IL20RB: variants seen among roughly 807,000 people sequenced by gnomAD.
IL20RB encodes interleukin 20 receptor subunit beta.
In IL20RB, 21 loss-of-function variants were observed where a neutral mutation model predicts 33.3. The observed-to-expected ratio is 0.63, with a 90% CI of 0.45 to 0.91. The LOEUF is 0.91. IL20RB is among the 40% of genes least tolerant of loss of function. The pLI is 0.00. For missense variants in IL20RB, 345 were observed against 384.8 expected, an observed-to-expected ratio of 0.90 and a Z score of 0.86; for synonymous variants, 147 against 146.8, an observed-to-expected ratio of 1.00 and a Z score of -0.01.
At chr3:136,992,927 A>G (rs1942061259) in intron 5 of IL20RB, among the ~76,000 whole-genome samples, 1 of 152,190 alleles carries the variant, frequency 6.6e-6, no homozygotes, top group South Asian at 2.1e-4. Context: ...GTCCTATAAC[A>G]TACACATTTT....
chr3:137,003,930 C>T (rs1478150358), intron 6 of IL20RB, among the ~76,000 whole-genome samples: 2 of 152,058 alleles, frequency 1.3e-5, no homozygotes, highest in Non-Finnish European at 2.9e-5. Flanking sequence ...TTTTGAGTTA[C>T]GTTCCATCAG....
chr3:136,974,824 T>C (rs1941576370), intron 1 of IL20RB, among the ~76,000 whole-genome samples: 1 of 152,238 alleles, frequency 6.6e-6, no homozygotes. Context: ...TAAAAACTTT[T>C]GACTGGATTA....
Position 137,010,377 on chromosome 3 carries a change from G to T in IL20RB, c.*154G>T, listed in dbSNP as rs1933062334. ...ACAAGTCTAGAAGCAACCATCAGAG[G>T]CAGGGTGGTTTGTCTAACAGAACAC... On this transcript the variant is annotated 3_prime_UTR_variant, in exon 7 of 7. Coordinates refer to ENST00000329582, the MANE Select transcript of IL20RB (RefSeq NM_144717.4). The T allele has an allele frequency of 5.2e-6, 3 of 580,508 alleles. No homozygotes were observed. The highest frequency in any genetic ancestry group is 6.3e-6 in the Non-Finnish European group (2 of 317,726). The allele number at this position is 580,508 out of a possible 1,614,324, so 36.0% of individuals were successfully genotyped here. A position where few individuals can be genotyped will look rare whatever the true frequency, so the allele number is the denominator to read the frequency against.
At chr3:136,962,706 T>C (rs984546661) in intron 1 of IL20RB, among the ~76,000 whole-genome samples, 2 of 149,636 alleles carry the variant, frequency 1.3e-5, no homozygotes, top group Non-Finnish European at 3.0e-5. Context: ...GAGCCGAGAT[T>C]GCACCACTGC....
rs953217015 is a variant in IL20RB, at chr3:137,010,268, A to G, written c.*45A>G. 5.6e-6 allele frequency: 5 copies of G among 892,364 alleles called. No homozygotes were observed. The African/African-American group carries it at 8.2e-5, about 15-fold the overall frequency. The allele number at this position is 892,364 out of a possible 1,614,324, so 55.3% of individuals were successfully genotyped here. A position where few individuals can be genotyped will look rare whatever the true frequency, so the allele number is the denominator to read the frequency against. ...TGAAGCCGAGAACCTGGTCTGCATG[A>G]CATGGAAACCATGAGGGGACAAGTT... On this transcript the variant is annotated 3_prime_UTR_variant, in exon 7 of 7. Coordinates refer to ENST00000329582, the MANE Select transcript of IL20RB (RefSeq NM_144717.4).
Position 136,957,992 on chromosome 3 carries a change from C to G in IL20RB, c.-122C>G, listed in dbSNP as rs1560061964. 2 of 665,376 alleles carry G rather than the reference C, an allele frequency of 3.0e-6. No individual in the cohort carries two copies. The highest frequency in any genetic ancestry group is 5.2e-6 in the Non-Finnish European group (2 of 382,872). 41.2% of individuals were successfully genotyped at this position (665,376 alleles called of 1,614,324 possible). On this transcript the variant is annotated 5_prime_UTR_variant, in exon 1 of 7. Coordinates refer to ENST00000329582, the MANE Select transcript of IL20RB (RefSeq NM_144717.4). ...TTCCTGGGCCGGCTCTAGAACAATT[C>G]AGGCTTCGCTGCGACTCAGACCTCA...
intron 6 of IL20RB, among the ~76,000 whole-genome samples, chr3:136,996,764 A>G (rs890517512): frequency 1.3e-5 from 2 of 152,300 alleles, no homozygotes; most frequent in South Asian, 4.1e-4. Context: ...AAAGCTTGGC[A>G]GTGTCCTTTT....
At chr3:136,987,187 G>T (rs573004809) in intron 3 of IL20RB, among the ~76,000 whole-genome samples, 4 of 151,906 alleles carry the variant, frequency 2.6e-5, no homozygotes, top group Non-Finnish European at 5.9e-5. Context: ...CCCCACCCAC[G>T]TCCTGCTGAT....
intron 3 of IL20RB, among the ~76,000 whole-genome samples, chr3:136,987,147 C>T (rs944109567): frequency 6.6e-6 from 1 of 151,534 alleles, no homozygotes; most frequent in Admixed American, 6.6e-5. Context: ...ACTGCTGGCT[C>T]GGGCAGCCTG....
intron 3 of IL20RB, among the ~76,000 whole-genome samples, chr3:136,987,710 C>A (rs1941940552): frequency 1.3e-5 from 2 of 152,320 alleles, no homozygotes; most frequent in Middle Eastern, 3.4e-3. Context: ...GCATGGCGGG[C>A]TGCAGGTCCC....
At chr3:136,995,587 A>G in intron 6 of IL20RB, 31 bp downstream of exon 6, 3 of 1,610,600 alleles carry the variant, frequency 1.9e-6, no homozygotes, top group Non-Finnish European at 2.5e-6. Flanking sequence ...TCCTTTCAGT[A>G]TAACACTGAC....
chr3:136,971,549 A>G (rs1654925), intron 1 of IL20RB, among the ~76,000 whole-genome samples: 70,469 of 152,124 alleles, frequency 0.46, 16,840 homozygotes, highest in East Asian at 0.7. Context: ...CCTCTGTATG[A>G]TAAAATCGTT....
rs907808427 is a variant in IL20RB at position 136,989,428 on chromosome 3, G to A, written c.407-13G>A. 1.6e-5 allele frequency: 26 copies of A among 1,613,324 alleles called. No individual in the cohort carries two copies. The highest frequency in any genetic ancestry group is 2.1e-5 in the Non-Finnish European group (25 of 1,179,548). ...TGGGGCTGGCTTTGACTCTCCTGTT[G>A]TCTTGCCAACAGCCATCCTTACCCG... On this transcript the variant is annotated splice_polypyrimidine_tract_variant and intron_variant, in intron 3 of 6. Transcript: ENST00000329582.
At chr3:136,998,409 AC>A (rs1287046608) in intron 6 of IL20RB, among the ~76,000 whole-genome samples, 1 of 151,108 alleles carries the variant, frequency 6.6e-6, no homozygotes, top group African/African-American at 2.4e-5. Context: ...TTTTATATTT[AC>A]CCACATATTT....
At chr3:136,984,615 G>A (rs988219936) in intron 3 of IL20RB, among the ~76,000 whole-genome samples, 4 of 151,726 alleles carry the variant, frequency 2.6e-5, no homozygotes, top group Admixed American at 2.6e-4. Flanking sequence ...AAATTAGGAA[G>A]GTTTAGAAGA....
chr3:136,959,256 A>G (rs1303435319), intron 1 of IL20RB: 1 of 152,268 alleles, frequency 6.6e-6, no homozygotes, highest in Non-Finnish European at 1.5e-5. Flanking sequence ...AACAGTCAGC[A>G]TATTATACCT....
chr3:136,995,269 A>G, intron 5 of IL20RB, 145 bp from the exon 6 acceptor site: 1 of 917,926 alleles, frequency 1.1e-6, no homozygotes, highest in Non-Finnish European at 1.7e-6. Flanking sequence ...TTTGGTCACT[A>G]GGGCACACAT....
intron 6 of IL20RB, among the ~76,000 whole-genome samples, chr3:137,006,407 A>C (rs1445043933): frequency 2.0e-5 from 3 of 152,180 alleles, no homozygotes; most frequent in African/African-American, 4.8e-5. Flanking sequence ...CACACCAATC[A>C]GACATATATT....
intron 6 of IL20RB, among the ~76,000 whole-genome samples, chr3:137,003,793 C>T (rs940311119): frequency 1.3e-5 from 2 of 152,222 alleles, no homozygotes; most frequent in African/African-American, 4.8e-5. Flanking sequence ...GCCAGAACTT[C>T]CAACACTATG....
Sources: allele counts gnomAD v4.1 joint callset (sites outside exome capture counted in the v4.1 genomes callset), GRCh38; gene constraint gnomAD v4.1.1; transcripts MANE v1.5; gene names NCBI Gene and HGNC (gene_info 2026-07-23, HGNC 2026-07-21).